ZFAT: variants seen among roughly 807,000 people sequenced by gnomAD.
ZFAT encodes the protein zinc finger and AT-hook domain containing.
ZFAT carries 64 observed loss-of-function variants against 117.7 expected under a neutral mutation model. That is an observed-to-expected ratio of 0.54 (90% CI 0.44 to 0.67). The LOEUF (loss-of-function observed/expected upper bound fraction) is 0.67, where lower values mean the gene tolerates loss of function less well. Ranked by LOEUF, ZFAT falls within the 30% of genes least tolerant of loss-of-function variation. The pLI is 0.00. For missense variants in ZFAT, 1,433 were observed against 1,584.5 expected (o/e 0.90, Z 1.62); for synonymous variants, 679 against 615.0 (o/e 1.10, Z -1.54).
At chr8:134,577,842 A>G (rs980328560) in intron 10 of ZFAT, among the ~76,000 whole-genome samples, 3 of 152,194 alleles carry the variant, frequency 2.0e-5, no homozygotes, top group African/African-American at 7.2e-5. Context: ...TAACAGAGAC[A>G]AAAAAGTAGT....
At chr8:134,634,817 A>G (rs1830106642) in intron 3 of ZFAT, among the ~76,000 whole-genome samples, 1 of 152,178 alleles carries the variant, frequency 6.6e-6, no homozygotes, top group Non-Finnish European at 1.5e-5. Flanking sequence ...GGGAGACACT[A>G]AGGCACTCTG....
chr8:134,497,423 G>C (rs1359171569), intron 15 of ZFAT, among the ~76,000 whole-genome samples: 7 of 151,480 alleles, frequency 4.6e-5, no homozygotes, highest in African/African-American at 9.7e-5. Flanking sequence ...CACAGAGCCT[G>C]ATTTGGTAGG....
intron 1 of ZFAT, among the ~76,000 whole-genome samples, chr8:134,710,173 G>A (rs1434301375): frequency 6.6e-6 from 1 of 152,162 alleles, no homozygotes; most frequent in Admixed American, 6.5e-5. Flanking sequence ...GCAACAACGT[G>A]GGAGGAGGAA....
At chr8:134,532,729 T>C (rs2130563882) in intron 12 of ZFAT, 105 bp downstream of exon 12, 1 of 1,418,140 alleles carries the variant, frequency 7.1e-7, no homozygotes, top group South Asian at 1.4e-5. Context: ...CACTGGCACA[T>C]TTATGTAGCA....
chr8:134,779,865 T>C, the ZFAT span, among the ~76,000 whole-genome samples: 1 of 152,182 alleles, frequency 6.6e-6, no homozygotes, highest in Non-Finnish European at 1.5e-5. Context: ...CCCGCAACCC[T>C]GAAGGTAGGA....
At chr8:134,713,101 C>T (rs1814087906), upstream of ZFAT, 4 of 421,008 alleles carry the variant, frequency 9.5e-6, no homozygotes, top group Non-Finnish European at 1.6e-5. Context: ...GGTGACCCTC[C>T]CCCGGCGCCG....
chr8:134,747,042 A>G, the ZFAT span, among the ~76,000 whole-genome samples: 1 of 152,176 alleles, frequency 6.6e-6, no homozygotes, highest in Non-Finnish European at 1.5e-5. Flanking sequence ...TTTATCAGGG[A>G]TTGATACTAT....
At position 134,602,138 on chromosome 8, in the gene ZFAT, GC is replaced by G; in HGVS notation, c.1580del (p.Gly527AlafsTer2). 1 of 1,612,966 alleles carries G rather than the reference GC, an allele frequency of 6.2e-7. No individual in the cohort carries two copies. Among genetic ancestry groups the G allele is most frequent in the Non-Finnish European group, 8.5e-7 (1 of 1,179,818 alleles). On this transcript the variant is annotated frameshift_variant, in exon 6 of 16. Coordinates refer to ENST00000377838, the MANE Select transcript of ZFAT (RefSeq NM_020863.4). LOFTEE classifies it high-confidence loss of function. ...QLVEEEFALQ[G>X]VNALKEEACP... ...AGGCCTCTTCCTTGAGTGCATTCACGCCCTGGAGGGCAAACTCCTCTTCCAC... is the reference window on the plus strand; with the variant it reads ...AGGCCTCTTCCTTGAGTGCATTCACGCCTGGAGGGCAAACTCCTCTTCCAC...
At chr8:134,586,759 G>C (rs1826095695) in intron 9 of ZFAT, among the ~76,000 whole-genome samples, 1 of 152,244 alleles carries the variant, frequency 6.6e-6, no homozygotes, top group Admixed American at 6.5e-5. Flanking sequence ...TCTCAGTGTA[G>C]GAGGTGCCTC....
intron 11 of ZFAT, among the ~76,000 whole-genome samples, chr8:134,536,111 A>G (rs1821817369): frequency 6.6e-6 from 1 of 152,202 alleles, no homozygotes; most frequent in African/African-American, 2.4e-5. Flanking sequence ...AGAATTGCTA[A>G]CGAGAAGAAA....
At chr8:134,509,801 A>C (rs1819679418) in intron 14 of ZFAT, 52 bp from the exon 15 acceptor site, 19 of 1,536,964 alleles carry the variant, frequency 1.2e-5, no homozygotes, top group Non-Finnish European at 1.7e-5. Context: ...GTGCTGAAGG[A>C]CATGGAATGC....
intron 12 of ZFAT, among the ~76,000 whole-genome samples, chr8:134,531,946 G>T (rs1050344463): frequency 2.0e-5 from 3 of 152,172 alleles, no homozygotes; most frequent in Non-Finnish European, 4.4e-5. Context: ...GTTTACTGGG[G>T]GCAGATTTCT....
chr8:134,582,315 G>T (rs1448429638), intron 10 of ZFAT, among the ~76,000 whole-genome samples: 2 of 152,220 alleles, frequency 1.3e-5, no homozygotes, highest in Non-Finnish European at 2.9e-5. Context: ...ACCCTGTTCA[G>T]TGCCTGTGAA....
At chr8:134,532,027 T>A (rs1386240295) in intron 12 of ZFAT, among the ~76,000 whole-genome samples, 1 of 152,206 alleles carries the variant, frequency 6.6e-6, no homozygotes, top group Non-Finnish European at 1.5e-5. Context: ...GCTGCAATCA[T>A]TTTTTAGCTG....
the ZFAT span, among the ~76,000 whole-genome samples, chr8:134,729,990 C>T: frequency 6.6e-6 from 1 of 152,210 alleles, no homozygotes. Context: ...TCATTTTCTC[C>T]TCCCTGTCTT....
intron 11 of ZFAT, among the ~76,000 whole-genome samples, chr8:134,546,790 G>A (rs1258022715): frequency 6.6e-6 from 1 of 152,192 alleles, no homozygotes; most frequent in African/African-American, 2.4e-5. Context: ...GAGAATGTTT[G>A]CTCCTTTTAT....
intron 15 of ZFAT, among the ~76,000 whole-genome samples, chr8:134,503,166 A>G (rs1819121739): frequency 1.3e-5 from 2 of 152,184 alleles, no homozygotes; most frequent in African/African-American, 4.8e-5. Flanking sequence ...CATGGCCAGG[A>G]GGATTGAGTG....
At chr8:134,676,409 A>G (rs1832805892) in intron 1 of ZFAT, among the ~76,000 whole-genome samples, 1 of 152,240 alleles carries the variant, frequency 6.6e-6, no homozygotes, top group African/African-American at 2.4e-5. Flanking sequence ...TCCTAAATAT[A>G]TACGCACCCG....
At chr8:134,805,093 A>G in the ZFAT span, 1 of 280,426 alleles carries the variant, frequency 3.6e-6, no homozygotes. Flanking sequence ...CTAATAATTA[A>G]AGAGAAAGTG....
Sources: gnomAD v4.1 joint callset for allele counts (sites outside exome capture counted in the v4.1 genomes callset) on GRCh38, gnomAD v4.1.1 for gene constraint, MANE v1.5 for transcripts, NCBI Gene and HGNC (gene_info 2026-07-23, HGNC 2026-07-21) for gene names.